The following RGL1 variants were observed in gnomAD, a reference collection of about 807,000 sequenced individuals.
RGL1 encodes the protein ral guanine nucleotide dissociation stimulator-like 1.
A neutral mutation model predicts 95.2 loss-of-function variants in RGL1; 24 were observed. The ratio of observed to expected loss-of-function variants is 0.25; its 90% confidence interval spans 0.18 to 0.35. RGL1 has a LOEUF of 0.35. RGL1 is among the 10% of genes least tolerant of loss of function. The pLI is 1.00. For missense variants in RGL1, 715 were observed against 936.3 expected, an observed-to-expected ratio of 0.76 and a Z score of 3.08; for synonymous variants, 329 against 344.9, an observed-to-expected ratio of 0.95 and a Z score of 0.51.
chr1:183,784,687 G>A (rs1307284201), intron 2 of RGL1, among the ~76,000 whole-genome samples: 1 of 152,194 alleles, frequency 6.6e-6, no homozygotes, highest in East Asian at 1.9e-4. Flanking sequence ...AACAGTCAGG[G>A]TTCACTGCTG....
intron 9 of RGL1, 77 bp from the exon 10 acceptor site, chr1:183,897,731 G>A (rs1667784733): frequency 1.8e-6 from 2 of 1,093,476 alleles, no homozygotes; most frequent in African/African-American, 1.6e-5. Flanking sequence ...TTGTGTGCGA[G>A]AAACTAGATG....
chr1:183,783,105 T>G (rs967817131), intron 2 of RGL1, among the ~76,000 whole-genome samples: 1 of 152,154 alleles, frequency 6.6e-6, no homozygotes, highest in Non-Finnish European at 1.5e-5. Context: ...TGCTGCTTAT[T>G]TGTGGACCCA....
rs952247829 is a variant in RGL1, at chr1:183,662,649, T to C, written c.-33+26148T>C. 5.1e-4 allele frequency among the ~76,000 whole-genome samples: 78 copies of C among 152,174 alleles called. 2 individuals carry two copies. Among genetic ancestry groups the C allele is most frequent in the Admixed American group, 6.5e-5 (1 of 15,276 alleles). On this transcript the variant is annotated intron_variant, in intron 1 of 18. Coordinates refer to the RGL1 transcript ENST00000304685. ...TGGCCATACTGCCCAAGGTAATTTA[T>C]AGATTCAATGCCATCCCCATCAAGC...
At chr1:183,696,149 A>G (rs1227696726) in intron 1 of RGL1, among the ~76,000 whole-genome samples, 1 of 152,100 alleles carries the variant, frequency 6.6e-6, no homozygotes, top group African/African-American at 2.4e-5. Flanking sequence ...ATCTGTCCAT[A>G]AATTCTCAGT....
chr1:183,811,293 AG>A (rs575331873), intron 2 of RGL1, among the ~76,000 whole-genome samples: 117 of 152,198 alleles, frequency 7.7e-4, no homozygotes, highest in Admixed American at 5.2e-3. Context: ...TGAATGTTGA[AG>A]AAAAAAAAGG....
Position 183,857,676 on chromosome 1 carries a change from G to GA in RGL1, c.348-8315dup, listed in dbSNP as rs570403628. 1.6e-4 allele frequency among the ~76,000 whole-genome samples: 25 copies of GA among 152,314 alleles called. No homozygotes were observed. The East Asian group carries it at 4.4e-3, about 27-fold the overall frequency. On this transcript the variant is annotated intron_variant, in intron 3 of 17. Transcript: ENST00000360851. ...TATGCCAGTTACTTTGGATTAACCA[G>GA]AAAAATTTAATCTGGTGCTGTTTGA...
intron 2 of RGL1, among the ~76,000 whole-genome samples, chr1:183,818,551 A>G (rs1045555794): frequency 4.6e-5 from 7 of 151,954 alleles, no homozygotes; most frequent in Non-Finnish European, 1.5e-5. Context: ...TTTCCTTAGC[A>G]CTTTACCAAA....
chr1:183,875,871 C>CA (rs375478958), intron 4 of RGL1, among the ~76,000 whole-genome samples: 37,871 of 99,210 alleles, frequency 0.38, 7,517 homozygotes, highest in East Asian at 0.55. Flanking sequence ...AGCTCTGTCT[C>CA]AAAAAAAAAA....
intron 1 of RGL1, among the ~76,000 whole-genome samples, chr1:183,680,812 A>G (rs1233199088): frequency 6.6e-6 from 1 of 152,052 alleles, no homozygotes; most frequent in African/African-American, 2.4e-5. Flanking sequence ...ATCCCTAAGC[A>G]TGGAATGTTT....
At chr1:183,762,516 A>G (rs1293248746) in intron 2 of RGL1, among the ~76,000 whole-genome samples, 1 of 152,226 alleles carries the variant, frequency 6.6e-6, no homozygotes, top group African/African-American at 2.4e-5. Context: ...TATTGCGAGA[A>G]AATTACCAAA....
intron 1 of RGL1, among the ~76,000 whole-genome samples, chr1:183,668,003 A>ATGTGTGTGTG (rs71130628): frequency 3.0e-5 from 4 of 135,150 alleles, no homozygotes; most frequent in South Asian, 2.2e-4. Flanking sequence ...GCTTATATAT[A>ATGTGTGTGTG]TGTGTGTGTG....
At chr1:183,780,497 C>T (rs1572403391) in intron 2 of RGL1, among the ~76,000 whole-genome samples, 1 of 152,194 alleles carries the variant, frequency 6.6e-6, no homozygotes, top group Non-Finnish European at 1.5e-5. Flanking sequence ...TCTCATTTTG[C>T]CAACCTGCCC....
rs1018701156 is a variant in RGL1 at position 183,790,230 on chromosome 1, A to G, written c.133-16145A>G. On this transcript the variant is annotated intron_variant, in intron 2 of 18. Coordinates refer to the RGL1 transcript ENST00000304685. Reference sequence around the variant, plus strand: ...GCGTGAGCCACTGTGCCTGGGCTCCAGGCTTTTTCTATCTTGATGCTCCAA... The same window carrying G: ...GCGTGAGCCACTGTGCCTGGGCTCCGGGCTTTTTCTATCTTGATGCTCCAA... Among the ~76,000 whole-genome samples, 5 of 152,212 alleles carry G rather than the reference A, an allele frequency of 3.3e-5. No individual in the cohort carries two copies. In the South Asian group the frequency reaches 1.0e-3, roughly 32 times the overall value.
At chr1:183,797,960 A>C (rs77039624) in intron 2 of RGL1, among the ~76,000 whole-genome samples, 102 of 152,342 alleles carry the variant, frequency 6.7e-4, no homozygotes, top group Non-Finnish European at 1.4e-3. Flanking sequence ...TGTCCTCCAA[A>C]AGGTTTTATG....
intron 2 of RGL1, among the ~76,000 whole-genome samples, chr1:183,794,997 G>T (rs912068090): frequency 2.0e-5 from 3 of 152,110 alleles, no homozygotes; most frequent in African/African-American, 7.2e-5. Context: ...CAATATCTAA[G>T]ATTTATTTAT....
intron 2 of RGL1, among the ~76,000 whole-genome samples, chr1:183,779,456 C>G (rs1353712372): frequency 6.6e-6 from 1 of 152,048 alleles, no homozygotes; most frequent in Non-Finnish European, 1.5e-5. Context: ...ACCATGTTGG[C>G]CAGGCTGGTC....
intron 1 of RGL1, among the ~76,000 whole-genome samples, chr1:183,661,993 T>G (rs1651667119): frequency 6.7e-6 from 1 of 149,952 alleles, no homozygotes; most frequent in South Asian, 2.1e-4. Flanking sequence ...AGAAAAGGCC[T>G]TTGACAAAAT....
intron 1 of RGL1, among the ~76,000 whole-genome samples, chr1:183,734,797 C>T (rs898828658): frequency 6.6e-6 from 1 of 152,206 alleles, no homozygotes; most frequent in African/African-American, 2.4e-5. Flanking sequence ...AGGCAGTCCC[C>T]TGGAATTCCC....
At chr1:183,725,432 A>C (rs1656257970) in intron 1 of RGL1, among the ~76,000 whole-genome samples, 1 of 152,232 alleles carries the variant, frequency 6.6e-6, no homozygotes, top group Non-Finnish European at 1.5e-5. Context: ...AGAATTGCTG[A>C]GCCAAGGCTG....
Sources: gnomAD v4.1 joint callset for allele counts (sites outside exome capture counted in the v4.1 genomes callset) on GRCh38, gnomAD v4.1.1 for gene constraint, MANE v1.5 for transcripts, NCBI Gene and HGNC (gene_info 2026-07-23, HGNC 2026-07-21) for gene names.